Variants in SBNO2 observed in about 807,000 individuals in gnomAD.
SBNO2 encodes protein strawberry notch homolog 2.
In SBNO2, 89 loss-of-function variants were observed where a neutral mutation model predicts 146.3. The ratio of observed to expected loss-of-function variants is 0.61; its 90% CI spans 0.51 to 0.73. The LOEUF is 0.73. Ranked by LOEUF, SBNO2 falls within the 30% of genes least tolerant of loss-of-function variation. SBNO2 has a pLI of 0.00. For synonymous variants in SBNO2, 1,147 were observed against 892.6 expected (o/e 1.29, Z -5.08); for missense variants, 2,092 against 2,003.7 (o/e 1.04, Z -0.84).
intron 11 of SBNO2, 67 bp from the exon 12 acceptor site, chr19:1,120,090 C>T: frequency 1.6e-6 from 2 of 1,246,530 alleles, no homozygotes; most frequent in African/African-American, 1.5e-5. Context: ...CAGGTCCTGA[C>T]CACCCAAGAC....
chr19:1,160,384 G>A (rs1202058372), intron 1 of SBNO2, among the ~76,000 whole-genome samples: 1 of 152,196 alleles, frequency 6.6e-6, no homozygotes, highest in Admixed American at 6.5e-5. Flanking sequence ...GGGTCTGCGG[G>A]GCGGCCTCAC....
chr19:1,166,617 G>A (rs12460579), intron 1 of SBNO2, among the ~76,000 whole-genome samples: 66 of 136,392 alleles, frequency 4.8e-4, no homozygotes, highest in African/African-American at 1.5e-3. Flanking sequence ...AACTGCACGC[G>A]CACACACACA....
At position 1,144,837 on chromosome 19, in the gene SBNO2, CA is replaced by C. The variant is rs201350878; in HGVS notation, c.279+2471del. Among the ~76,000 whole-genome samples, 549 of 110,620 alleles carry C rather than the reference CA, an allele frequency of 5.0e-3. 2 individuals carry two copies. The highest frequency in any genetic ancestry group is 0.018 in the African/African-American group (515 of 27,882). The allele number at this position is 110,620 out of a possible 152,430, so 72.6% of individuals were successfully genotyped here. A position where few individuals can be genotyped will look rare whatever the true frequency, so the allele number is the denominator to read the frequency against. On this transcript the variant is annotated intron_variant, in intron 4 of 31. Transcript: ENST00000361757. This position sits in a 1 kb window ranked among gnomAD's most constrained non-coding sequence, Gnocchi z 4.1. ...AGAGACAGAGAGGGAGACAGAGAGA[CA>C]GGGGCAGAGACAAGCAGAGAGGGAG...
Position 1,149,382 on chromosome 19 carries a change from A to G in SBNO2, c.154T>C (p.Ser52Pro). Residue 52 changes from serine to proline, a missense_variant, in exon 3 of 32, where the codon TCC becomes CCC. Ser to Pro is a moderately conservative substitution (Grantham distance 74, BLOSUM62 -1). Transcript: ENST00000361757. ...CCCGGTACTCACCGGCTGTCGCTGG[A>G]GAAGGCAGGGTATGGCGGCAGCGAG... ...TFSLPPYPAF[S>P]SDSRPFMSSA... The G allele has an allele frequency of 6.4e-7, 1 of 1,552,778 alleles. No individual in the cohort carries two copies. The highest frequency in any genetic ancestry group is 8.7e-7 in the Non-Finnish European group (1 of 1,148,386).
At chr19:1,134,426 G>GTGAGGCCGTCCACACAC (rs1386561046) in intron 4 of SBNO2, among the ~76,000 whole-genome samples, 4 of 149,556 alleles carry the variant, frequency 2.7e-5, no homozygotes, top group Non-Finnish European at 6.0e-5. Context: ...GGCCAGCACA[G>GTGAGGCCGTCCACACAC]TGAGGCCGTC....
intron 2 of SBNO2, among the ~76,000 whole-genome samples, chr19:1,153,146 C>T (rs879806149): frequency 2.0e-5 from 3 of 149,476 alleles, no homozygotes; most frequent in South Asian, 2.1e-4. Flanking sequence ...AGAGTGAAAC[C>T]GTGTTTTAAA....
intron 1 of SBNO2, 111 bp from the exon 2 acceptor site, chr19:1,154,513 C>G (rs1460105108): frequency 1.6e-5 from 6 of 375,244 alleles, no homozygotes; most frequent in Middle Eastern, 1.4e-3. Flanking sequence ...GCAGCTCCTG[C>G]TACCTCCTGG....
chr19:1,135,712 C>A (rs2080079095), intron 4 of SBNO2, among the ~76,000 whole-genome samples: 1 of 152,220 alleles, frequency 6.6e-6, no homozygotes, highest in South Asian at 2.1e-4. Flanking sequence ...GCTGCCTCAG[C>A]CCTCACAGGA....
chr19:1,151,699 G>T (rs1225075788), intron 2 of SBNO2, among the ~76,000 whole-genome samples: 3 of 152,104 alleles, frequency 2.0e-5, no homozygotes, highest in Non-Finnish European at 4.4e-5. Flanking sequence ...GTCTCACTCT[G>T]TCACCCAGGC....
At chr19:1,139,902 T>A (rs1203204597) in intron 4 of SBNO2, among the ~76,000 whole-genome samples, 1 of 151,792 alleles carries the variant, frequency 6.6e-6, no homozygotes, top group East Asian at 1.9e-4. Flanking sequence ...CCGAGATAGA[T>A]CACACCATTG....
At position 1,140,003 on chromosome 19, in the gene SBNO2, T is replaced by TA. The variant is rs1042793367; in HGVS notation, c.279+7305dup. 2.2e-5 allele frequency among the ~76,000 whole-genome samples: 3 copies of TA among 139,206 alleles called. No homozygotes were observed. The highest frequency in any genetic ancestry group is 4.7e-5 in the Non-Finnish European group (3 of 63,892). The allele number at this position is 139,206 out of a possible 152,430, so 91.3% of individuals were successfully genotyped here. ...AGAGACAGAAAAGAAAGAAAGAAAATAAAGAAGAAATGCAGGCCGGGCGCG... is the reference window on the plus strand; with the variant it reads ...AGAGACAGAAAAGAAAGAAAGAAAATAAAAGAAGAAATGCAGGCCGGGCGCG... On this transcript the variant is annotated intron_variant, in intron 4 of 31. Transcript: ENST00000361757. This position sits in a 1 kb window ranked among gnomAD's most constrained non-coding sequence, Gnocchi z 4.4.
rs1016297288 is a variant in SBNO2 at position 1,158,927 on chromosome 19, C to T, written c.-126-4525G>A. On this transcript the variant is annotated intron_variant, in intron 1 of 31. Transcript: ENST00000361757. This position sits in a 1 kb window ranked among gnomAD's most constrained non-coding sequence, Gnocchi z 9.9. ...ACCCCACCTGCAGCCGTGACCCCAC[C>T]TGCAGCCGCGACCCCACCTGCAGCC... 4.0e-5 allele frequency among the ~76,000 whole-genome samples: 6 copies of T among 151,710 alleles called. No homozygotes were observed. The highest frequency in any genetic ancestry group is 3.9e-4 in the Admixed American group (6 of 15,254).
Position 1,113,676 on chromosome 19 carries a change from C to A in SBNO2, c.2106G>T (p.Pro702=), listed in dbSNP as rs772449297. The change falls in exon 19 of 32, where the codon CCG becomes CCT. Residue 702 remains proline (P), a synonymous_variant. Coordinates refer to ENST00000361757, the MANE Select transcript of SBNO2 (RefSeq NM_014963.3). The part of the protein sequence containing the change: ...RGPLCLLQRD[P]HGPGVLERVE... ...CCCGCTCCAGGACCCCGGGGCCATGCGGGTCTCTCTGCAGGAGGCACAGGG... is the reference window on the plus strand; with the variant it reads ...CCCGCTCCAGGACCCCGGGGCCATGAGGGTCTCTCTGCAGGAGGCACAGGG... The A allele has an allele frequency of 5.7e-6, 9 of 1,590,080 alleles. No individual in the cohort carries two copies. The highest frequency in any genetic ancestry group is 1.1e-5 in the South Asian group (1 of 88,844).
chr19:1,131,525 T>G (rs1341447261), intron 4 of SBNO2, among the ~76,000 whole-genome samples: 1 of 152,090 alleles, frequency 6.6e-6, no homozygotes, highest in Admixed American at 6.5e-5. Context: ...CAGAACTGAC[T>G]CCAGACCTGA....
chr19:1,120,107 T>TGCGG, intron 11 of SBNO2, 84 bp from the exon 12 acceptor site: 4 of 1,050,854 alleles, frequency 3.8e-6, no homozygotes, highest in Non-Finnish European at 5.6e-6. Context: ...AGACCCCACC[T>TGCGG]TCCTGGTGGG....
At chr19:1,133,608 G>C (rs1432671787) in intron 4 of SBNO2, among the ~76,000 whole-genome samples, 1 of 152,214 alleles carries the variant, frequency 6.6e-6, no homozygotes, top group South Asian at 2.1e-4. Context: ...ACACGGGTCC[G>C]TGCCGCTGGG....
rs770731150 is a variant in SBNO2, at chr19:1,112,804, C to A, written c.2379+14G>T. 6.4e-7 allele frequency: 1 copy of A among 1,561,384 alleles called. No individual in the cohort carries two copies. The highest frequency in any genetic ancestry group is 8.7e-7 in the Non-Finnish European group (1 of 1,154,910). The stretch of plus-strand genomic sequence containing the variant: ...GGTCCCGTGGGCCGCGCCCAGTGCA[C>A]TGCAGCCCCGCACCTTCTCGCCGCT... On this transcript the variant is annotated intron_variant, in intron 20 of 31. Transcript: ENST00000361757. This position sits in a 1 kb window ranked among gnomAD's most constrained non-coding sequence, Gnocchi z 5.9.
At chr19:1,142,938 G>A (rs2080154648) in intron 4 of SBNO2, among the ~76,000 whole-genome samples, 1 of 152,046 alleles carries the variant, frequency 6.6e-6, no homozygotes. Flanking sequence ...CTACACTCCA[G>A]CCTGGGCAAG....
In SBNO2 at chr19:1,109,712, G is replaced by A; in HGVS notation, c.3094C>T (p.Pro1032Ser). The part of the protein sequence containing the change: ...SQQVFLAPGH[P>S]QDGQVVFYKI... ...TAGAAGACCACCTGCCCGTCCTGCG[G>A]GTGCCCGGGAGCCAGGAACACCTGC... Residue 1032 changes from proline to serine, a missense_variant, in exon 27 of 32, where the codon CCG (proline) becomes TCG (serine). By Grantham distance (74) the Pro-to-Ser change is moderately conservative. Transcript: ENST00000361757. The surrounding 1 kb of genome is among the most constrained non-coding windows in gnomAD (Gnocchi z 4.2). 6.2e-7 allele frequency: 1 copy of A among 1,607,846 alleles called. No homozygotes were observed. Among genetic ancestry groups the A allele is most frequent in the Non-Finnish European group, 8.5e-7 (1 of 1,176,324 alleles).
Sources: gnomAD v4.1 joint callset for allele counts (sites outside exome capture counted in the v4.1 genomes callset) on GRCh38, gnomAD v4.1.1 for gene constraint, Gnocchi (gnomAD v3.1) non-coding constraint, MANE v1.5 for transcripts, NCBI Gene and HGNC (gene_info 2026-07-23, HGNC 2026-07-21) for gene names.